The following CTNNA2 variants were observed in gnomAD, a reference collection of about 807,000 sequenced individuals.
CTNNA2 encodes catenin alpha-2.
CTNNA2 carries 42 observed loss-of-function variants against 101.0 expected under a neutral mutation model. That is an observed-to-expected ratio of 0.42 (90% CI 0.32 to 0.54). The LOEUF is 0.54. Among genes scored for constraint, CTNNA2 ranks in the 20% least tolerant of loss-of-function variants. The pLI is 0.14. For synonymous variants in CTNNA2, 450 were observed against 456.4 expected (o/e 0.99, Z 0.18); for missense variants, 871 against 1,223.1 (o/e 0.71, Z 4.29).
chr2:80,578,268 TTAAA>T lies in CTNNA2; in HGVS notation c.1894-3435_1894-3432del, dbSNP rs374340669. Among the ~76,000 whole-genome samples, 262 of 152,300 alleles carry T rather than the reference TTAAA, an allele frequency of 1.7e-3. 3 individuals are homozygous for T. Among genetic ancestry groups the T allele is most frequent in the African/African-American group, 5.6e-3 (231 of 41,560 alleles). Reference sequence around the variant, plus strand: ...GGAACCACGAAACTAGGAGTAGACTTTAAATAGTTTCTGTTTATTGAAAAAAGCC... The same window carrying T: ...GGAACCACGAAACTAGGAGTAGACTTTAGTTTCTGTTTATTGAAAAAAGCC... On this transcript the variant is annotated intron_variant, in intron 13 of 18. Transcript: ENST00000402739.
chr2:79,844,586 C>A (rs868266034), intron 3 of CTNNA2, among the ~76,000 whole-genome samples: 9 of 152,218 alleles, frequency 5.9e-5, no homozygotes, highest in South Asian at 2.1e-4. Context: ...CATCTCCCTC[C>A]AACTTCATGC....
At chr2:79,781,599 T>G (rs548533812) in intron 3 of CTNNA2, among the ~76,000 whole-genome samples, 1 of 152,324 alleles carries the variant, frequency 6.6e-6, no homozygotes, top group African/African-American at 2.4e-5. Flanking sequence ...TAATTGATTT[T>G]TATTTTTCAC....
In CTNNA2 at chr2:79,756,532, A is replaced by T. The variant is rs190520090; in HGVS notation, c.298+11950A>T. ...GCTATGGAAGTGCAATTTAAAAATG[A>T]AACAACCAAAAGCATGATTCATGAA... On this transcript the variant is annotated intron_variant, in intron 3 of 18. Transcript: ENST00000402739. Among the ~76,000 whole-genome samples the T allele has an allele frequency of 9.3e-4, 141 of 152,354 alleles. 2 individuals are homozygous for T. Among genetic ancestry groups the T allele is most frequent in the Admixed American group, 3.0e-3 (46 of 15,300 alleles).
chr2:80,545,441 G>C (rs182573641), intron 10 of CTNNA2, among the ~76,000 whole-genome samples: 21 of 152,290 alleles, frequency 1.4e-4, no homozygotes, highest in African/African-American at 5.1e-4. Flanking sequence ...GTTTACTGGG[G>C]AGTCTGAGGT....
At chr2:80,495,871 C>A (rs547733693) in intron 9 of CTNNA2, among the ~76,000 whole-genome samples, 1 of 134,228 alleles carries the variant, frequency 7.5e-6, no homozygotes, top group African/African-American at 2.8e-5. Context: ...GCCCGGGAGA[C>A]GGAGGTTTCA....
chr2:80,415,865 A>C (rs553494856), intron 8 of CTNNA2, among the ~76,000 whole-genome samples: 54 of 152,306 alleles, frequency 3.5e-4, no homozygotes, highest in African/African-American at 7.9e-4. Context: ...AACCATATAA[A>C]AATAGAAATA....
At chr2:79,687,772 G>A (rs1199946409) in intron 2 of CTNNA2, 4 of 473,450 alleles carry the variant, frequency 8.4e-6, no homozygotes, top group Non-Finnish European at 1.1e-5. Flanking sequence ...ATTAACTGAA[G>A]ATGTTCGGCT....
intron 1 of CTNNA2, among the ~76,000 whole-genome samples, chr2:79,636,269 CAA>C (rs57739991): frequency 0.32 from 21,307 of 67,256 alleles, 2,869 homozygotes; most frequent in African/African-American, 0.39. Context: ...GACTCTGTCT[CAA>C]AAAAAAAAAA....
chr2:80,158,827 C>T (rs58349849), intron 7 of CTNNA2, among the ~76,000 whole-genome samples: 18,761 of 151,406 alleles, frequency 0.12, 2,828 homozygotes, highest in African/African-American at 0.36. Flanking sequence ...AGGAGAATGG[C>T]GTGAACCTGG....
At chr2:80,525,097 A>G (rs1049010128) in intron 9 of CTNNA2, among the ~76,000 whole-genome samples, 9 of 152,026 alleles carry the variant, frequency 5.9e-5, no homozygotes, top group African/African-American at 2.2e-4. Context: ...GATTAATTAA[A>G]TGTGGTGAGT....
intron 7 of CTNNA2, among the ~76,000 whole-genome samples, chr2:80,087,403 A>C (rs954416140): frequency 2.0e-5 from 3 of 152,096 alleles, no homozygotes; most frequent in Admixed American, 2.0e-4. Flanking sequence ...ACTGAGGTCC[A>C]AGCTAGTTAC....
At chr2:79,977,239 C>T (rs1690929438) in intron 7 of CTNNA2, among the ~76,000 whole-genome samples, 1 of 151,956 alleles carries the variant, frequency 6.6e-6, no homozygotes, top group South Asian at 2.1e-4. Flanking sequence ...CACACACACA[C>T]ACACACACAC....
chr2:79,244,050 T>C (rs1674667225), intron 2 of CTNNA2, among the ~76,000 whole-genome samples: 1 of 152,198 alleles, frequency 6.6e-6, no homozygotes, highest in African/African-American at 2.4e-5. Context: ...TGCTGTTTTA[T>C]GCCCTCTCCT....
intron 2 of CTNNA2, among the ~76,000 whole-genome samples, chr2:79,682,425 A>G (rs1377895891): frequency 1.3e-5 from 2 of 150,920 alleles, no homozygotes; most frequent in African/African-American, 4.9e-5. Context: ...AAAAAAAAAA[A>G]AAAAAAAGAA....
rs755446620 is a variant in CTNNA2, at chr2:80,393,318, T to C, written c.1137+27T>C. ...TACTATTTTTTATTTTTACTTTAAG[T>C]CCATGATATTCAGTAGTGGTTTCCA... On this transcript the variant is annotated intron_variant, in intron 8 of 18. Transcript: ENST00000402739. 1.0e-5 allele frequency: 15 copies of C among 1,503,094 alleles called. No homozygotes were observed. In the African/African-American group the frequency reaches 1.1e-4, roughly 11 times the overall value. 93.1% of individuals were successfully genotyped at this position (1,503,094 alleles called of 1,614,324 possible). A position where few individuals can be genotyped will look rare whatever the true frequency, so the allele number is the denominator to read the frequency against.
chr2:79,238,600 A>G (rs1246706223), intron 2 of CTNNA2, among the ~76,000 whole-genome samples: 1 of 152,214 alleles, frequency 6.6e-6, no homozygotes, highest in African/African-American at 2.4e-5. Context: ...ATGAAATGAG[A>G]TATGCCTGTA....
chr2:80,104,031 T>C (rs1180168437), intron 7 of CTNNA2, among the ~76,000 whole-genome samples: 4 of 152,210 alleles, frequency 2.6e-5, no homozygotes, highest in African/African-American at 9.7e-5. Context: ...CTCATAACTG[T>C]TAATTATAAC....
Position 80,636,169 on chromosome 2 carries a change from T to C in CTNNA2, c.2575-11416T>C, listed in dbSNP as rs148968137. On this transcript the variant is annotated intron_variant, in intron 18 of 18. Transcript: ENST00000402739. ...AAAGGCAGCAAGATTGTTGTACTTA[T>C]GTTCTGGAAAGCTAGTTGGATGAGA... is the stretch of plus-strand genomic sequence containing the variant. 3.4e-3 allele frequency among the ~76,000 whole-genome samples: 520 copies of C among 152,170 alleles called. 4 individuals carry two copies. Among genetic ancestry groups the C allele is most frequent in the African/African-American group, 0.012 (484 of 41,530 alleles).
intron 3 of CTNNA2, among the ~76,000 whole-genome samples, chr2:79,372,334 T>A (rs1677891306): frequency 6.6e-6 from 1 of 152,152 alleles, no homozygotes; most frequent in South Asian, 2.1e-4. Context: ...TCCCAGGTCA[T>A]GTTAGAGTTA....
Sources: gnomAD v4.1 joint callset for allele counts (sites outside exome capture counted in the v4.1 genomes callset) on GRCh38, gnomAD v4.1.1 for gene constraint, MANE v1.5 for transcripts, NCBI Gene and HGNC (gene_info 2026-07-23, HGNC 2026-07-21) for gene names.